Variants in SIPA1L3 observed in about 807,000 individuals in gnomAD.
SIPA1L3 encodes the protein signal induced proliferation associated 1 like 3.
Under a neutral mutation model 150.1 loss-of-function variants are expected in SIPA1L3, and 59 were observed. The ratio of observed to expected loss-of-function variants is 0.39; its 90% CI spans 0.32 to 0.49. SIPA1L3 has a LOEUF of 0.49. Ranked by LOEUF, SIPA1L3 falls within the 20% of genes least tolerant of loss-of-function variation. The pLI is 0.86. For missense variants in SIPA1L3, 2,211 were observed against 2,489.5 expected (o/e 0.89, Z 2.38); for synonymous variants, 1,070 against 1,077.6 (o/e 0.99, Z 0.14).
intron 1 of SIPA1L3, among the ~76,000 whole-genome samples, chr19:37,911,532 G>A (rs1034928105): frequency 4.0e-5 from 6 of 148,792 alleles, no homozygotes; most frequent in African/African-American, 5.0e-5. Flanking sequence ...TTTTTGAGAC[G>A]GAGTCTTGCT....
chr19:38,175,164 T>C (rs542482602), intron 15 of SIPA1L3, among the ~76,000 whole-genome samples: 22 of 152,172 alleles, frequency 1.4e-4, no homozygotes, highest in Non-Finnish European at 3.2e-4. Context: ...GTGGTGGTAG[T>C]TCCTGTCTCG....
At chr19:38,089,508 T>C (rs939760718) in intron 4 of SIPA1L3, among the ~76,000 whole-genome samples, 1 of 152,152 alleles carries the variant, frequency 6.6e-6, no homozygotes, top group Admixed American at 6.5e-5. Flanking sequence ...AAGGGATCAT[T>C]TTAGGAACAT....
chr19:37,939,399 C>CAA (rs753230257), intron 1 of SIPA1L3, among the ~76,000 whole-genome samples: 1,388 of 68,766 alleles, frequency 0.02, 33 homozygotes, highest in African/African-American at 0.074. Flanking sequence ...GACTCCATGT[C>CAA]AAAAAAAAAA....
At chr19:38,048,962 A>G (rs1347281529) in intron 2 of SIPA1L3, among the ~76,000 whole-genome samples, 2 of 152,114 alleles carry the variant, frequency 1.3e-5, no homozygotes, top group East Asian at 3.9e-4. Flanking sequence ...GCACACCTGT[A>G]GTCCCAGCTA....
intron 20 of SIPA1L3, among the ~76,000 whole-genome samples, chr19:38,202,870 C>A (rs562239689): frequency 9.2e-5 from 14 of 152,314 alleles, no homozygotes; most frequent in African/African-American, 3.1e-4. Flanking sequence ...ACAGATCTCT[C>A]ACATTTGTCA....
chr19:38,061,083 C>A (rs1969436323), intron 2 of SIPA1L3, among the ~76,000 whole-genome samples: 1 of 152,170 alleles, frequency 6.6e-6, no homozygotes, highest in African/African-American at 2.4e-5. Context: ...TTAAAGTAAC[C>A]AAATCCCTTG....
chr19:38,123,790 A>G (rs1971088779), intron 9 of SIPA1L3, among the ~76,000 whole-genome samples: 1 of 151,060 alleles, frequency 6.6e-6, no homozygotes. Flanking sequence ...TACACCTCCC[A>G]GACGGGGTGG....
intron 1 of SIPA1L3, among the ~76,000 whole-genome samples, chr19:38,004,805 T>C (rs1392038809): frequency 6.6e-6 from 1 of 152,184 alleles, no homozygotes; most frequent in Non-Finnish European, 1.5e-5. Context: ...CACATGCCAC[T>C]GTATCTGCAT....
chr19:38,000,476 CAAAAAAA>C (rs931671031), intron 1 of SIPA1L3, among the ~76,000 whole-genome samples: 1 of 44,040 alleles, frequency 2.3e-5, no homozygotes, highest in Non-Finnish European at 4.6e-5. Context: ...GACTCTGTCT[CAAAAAAA>C]AAAAAAAAAA....
intron 1 of SIPA1L3, among the ~76,000 whole-genome samples, chr19:37,944,044 A>T (rs1474897710): frequency 3.9e-5 from 6 of 152,150 alleles, no homozygotes; most frequent in African/African-American, 1.4e-4. Context: ...TGGGAAGCCT[A>T]GGTGGGCGGA....
At chr19:38,191,578 C>T (rs1278719360) in intron 16 of SIPA1L3, among the ~76,000 whole-genome samples, 5 of 151,842 alleles carry the variant, frequency 3.3e-5, no homozygotes, top group Non-Finnish European at 7.4e-5. Context: ...TTTGGGGGGC[C>T]GAGGCGGGTG....
chr19:38,121,444 T>C (rs1971015598), intron 9 of SIPA1L3, among the ~76,000 whole-genome samples: 1 of 135,644 alleles, frequency 7.4e-6, no homozygotes, highest in East Asian at 2.3e-4. Context: ...TCTCAAAAAA[T>C]AAAAATAAAA....
At chr19:37,916,828 C>T (rs1161976509) in intron 1 of SIPA1L3, among the ~76,000 whole-genome samples, 1 of 152,040 alleles carries the variant, frequency 6.6e-6, no homozygotes, top group East Asian at 1.9e-4. Flanking sequence ...AGTCTGGTGG[C>T]ATGTGCCTGT....
chr19:38,139,991 A>G (rs1421892521), intron 10 of SIPA1L3, among the ~76,000 whole-genome samples: 5 of 152,178 alleles, frequency 3.3e-5, no homozygotes, highest in Middle Eastern at 3.2e-3. Flanking sequence ...CCACCTCCCA[A>G]CAGTGGCATT....
At chr19:37,945,491 C>G (rs1340044296) in intron 1 of SIPA1L3, among the ~76,000 whole-genome samples, 1 of 152,124 alleles carries the variant, frequency 6.6e-6, no homozygotes, top group African/African-American at 2.4e-5. Context: ...CCCACTTCAG[C>G]CTTCCAAAGT....
Position 38,049,222 on chromosome 19 carries a change from A to T in SIPA1L3, c.-311+20066A>T, listed in dbSNP as rs142905841. ...GTTTCTCTTTCCATCTTCATCCTCT[A>T]TAGGTCCTTTCATTCCTTCCCCCAG... On this transcript the variant is annotated intron_variant, in intron 2 of 21. Transcript: ENST00000222345. 1.0e-3 allele frequency among the ~76,000 whole-genome samples: 154 copies of T among 152,196 alleles called. 4 individuals are homozygous for T. The East Asian group carries it at 0.02, about 19-fold the overall frequency.
chr19:38,081,484 T>C lies in SIPA1L3; in HGVS notation c.-82T>C. ...TCCTTCATCCTGGGCCTGGCTGCCCTGAACAATGGCTGAGGGCTGGGGGAC... is the reference window on the plus strand; with the variant it reads ...TCCTTCATCCTGGGCCTGGCTGCCCCGAACAATGGCTGAGGGCTGGGGGAC... On this transcript the variant is annotated 5_prime_UTR_variant, in exon 3 of 22. Transcript: ENST00000222345. The C allele has an allele frequency of 7.2e-7, 1 of 1,390,622 alleles. No individual in the cohort carries two copies. The highest frequency in any genetic ancestry group is 9.7e-7 in the Non-Finnish European group (1 of 1,028,240). 86.1% of individuals were successfully genotyped at this position (1,390,622 alleles called of 1,614,324 possible). A position where few individuals can be genotyped will look rare whatever the true frequency, so the allele number is the denominator to read the frequency against.
At position 38,206,133 on chromosome 19, in the gene SIPA1L3, G is replaced by A; in HGVS notation, c.5239G>A (p.Ala1747Thr). Residue 1747 changes from alanine to threonine, a missense_variant, in exon 22 of 22, where the codon GCC becomes ACC. Physicochemically the swap from Ala to Thr is moderately conservative, Grantham distance 58. Coordinates refer to ENST00000222345, the MANE Select transcript of SIPA1L3 (RefSeq NM_015073.3). ...CAAGGTGGTGCTCCAGTCAGAGGTG[G>A]CCAGCCTGCGGCAGAACAACCAGCG... ...QDKVVLQSEV[A>T]SLRQNNQRLQ... is the part of the protein sequence containing the mutation. 6.4e-7 allele frequency: 1 copy of A among 1,550,732 alleles called. No individual in the cohort carries two copies. Among genetic ancestry groups the A allele is most frequent in the Non-Finnish European group, 8.7e-7 (1 of 1,146,650 alleles).
intron 15 of SIPA1L3, among the ~76,000 whole-genome samples, chr19:38,166,058 C>T (rs1029713608): frequency 1.3e-5 from 2 of 152,118 alleles, no homozygotes; most frequent in African/African-American, 2.4e-5. Flanking sequence ...CCACCATGCC[C>T]GGCTGAGAAT....
Sources: gnomAD v4.1 joint callset for allele counts (sites outside exome capture counted in the v4.1 genomes callset) on GRCh38, gnomAD v4.1.1 for gene constraint, MANE v1.5 for transcripts, NCBI Gene and HGNC (gene_info 2026-07-23, HGNC 2026-07-21) for gene names.